TRIO: variants seen among roughly 807,000 people sequenced by gnomAD.
The protein encoded by TRIO is trio Rho guanine nucleotide exchange factor.
In TRIO, 58 loss-of-function variants were observed where a neutral mutation model predicts 351.9. The observed-to-expected ratio is 0.16, with a 90% CI of 0.13 to 0.21. The LOEUF is 0.21. TRIO is among the 10% of genes least tolerant of loss of function. TRIO has a pLI of 1.00. For synonymous variants in TRIO, 1,758 were observed against 1,595.7 expected (o/e 1.10, Z -2.42); for missense variants, 3,201 against 4,027.8 (o/e 0.79, Z 5.56).
intron 17 of TRIO, among the ~76,000 whole-genome samples, 181 bp from the exon 18 acceptor site, chr5:14,369,193 G>T (rs1449687786): frequency 6.6e-6 from 1 of 152,208 alleles, no homozygotes. Flanking sequence ...GCTCTGAAAA[G>T]TCTGCCTGCT....
In TRIO at chr5:14,376,178, G is replaced by C. The variant is rs903193816; in HGVS notation, c.3332-1834G>C. On this transcript the variant is annotated intron_variant, in intron 19 of 56. Coordinates refer to ENST00000344204, the MANE Select transcript of TRIO (RefSeq NM_007118.4). ...ACTTATCACAAAGTACAGACTGCTA[G>C]GAACTCAGTAAGTATTTGTGGAAAA... Among the ~76,000 whole-genome samples, 19 of 152,202 alleles carry C rather than the reference G, an allele frequency of 1.2e-4. 1 individual carries two copies. Among genetic ancestry groups the C allele is most frequent in the Admixed American group, 1.1e-3 (17 of 15,272 alleles).
intron 1 of TRIO, among the ~76,000 whole-genome samples, chr5:14,173,589 G>GT (rs113366809): frequency 0.032 from 4,822 of 152,084 alleles, 252 homozygotes; most frequent in African/African-American, 0.11. Flanking sequence ...TAAGCCCACT[G>GT]TTTTTTGTTT....
chr5:14,247,931 T>C (rs1173091513), intron 1 of TRIO, among the ~76,000 whole-genome samples: 1 of 152,198 alleles, frequency 6.6e-6, no homozygotes, highest in South Asian at 2.1e-4. Flanking sequence ...CTGGGCACAG[T>C]GGCTTGTGCC....
intron 11 of TRIO, among the ~76,000 whole-genome samples, chr5:14,346,859 A>G (rs1742465741): frequency 6.6e-6 from 1 of 152,246 alleles, no homozygotes; most frequent in South Asian, 2.1e-4. Flanking sequence ...AACTCTCCTC[A>G]TCCTCCCACA....
chr5:14,172,735 G>A (rs1789172972), intron 1 of TRIO, among the ~76,000 whole-genome samples: 1 of 152,254 alleles, frequency 6.6e-6, no homozygotes, highest in Admixed American at 6.5e-5. Context: ...TTGTAGAATG[G>A]GGATAAGCTG....
chr5:14,144,904 A>AGGCGGCGGC (rs553815914), intron 1 of TRIO, among the ~76,000 whole-genome samples: 6 of 149,104 alleles, frequency 4.0e-5, no homozygotes, highest in African/African-American at 7.5e-5. Context: ...GAGGAGGAGG[A>AGGCGGCGGC]GGCGGCGGCG....
intron 31 of TRIO, among the ~76,000 whole-genome samples, chr5:14,402,193 C>A (rs1057227168): frequency 2.6e-5 from 4 of 152,206 alleles, no homozygotes; most frequent in African/African-American, 9.7e-5. Context: ...ATACTCAAAA[C>A]CTGGAAACTT....
chr5:14,393,654 C>T (rs1206879375), intron 27 of TRIO, among the ~76,000 whole-genome samples: 1 of 152,166 alleles, frequency 6.6e-6, no homozygotes, highest in East Asian at 1.9e-4. Context: ...GTAGCACAGA[C>T]AGGGCCTGTC....
At chr5:14,264,958 C>A (rs1279465180) in intron 1 of TRIO, among the ~76,000 whole-genome samples, 1 of 152,184 alleles carries the variant, frequency 6.6e-6, no homozygotes, top group African/African-American at 2.4e-5. Flanking sequence ...CCACTAAGAC[C>A]CAGTACTTAT....
intron 1 of TRIO, among the ~76,000 whole-genome samples, chr5:14,179,395 T>A (rs868784718): frequency 1.9e-4 from 29 of 152,236 alleles, no homozygotes; most frequent in Non-Finnish European, 5.9e-5. Context: ...TCTTTTCACT[T>A]GTTCTGCCCT....
rs768302796 is a variant in TRIO, at chr5:14,483,850, TCCCATCCCCTGAACTGTGCG to T, written c.6657+1089_6657+1108del. Among the ~76,000 whole-genome samples, 49 of 152,238 alleles carry T rather than the reference TCCCATCCCCTGAACTGTGCG, an allele frequency of 3.2e-4. 1 individual carries two copies. The highest frequency in any genetic ancestry group is 1.3e-3 in the Admixed American group (20 of 15,294). ...CTGGGCTCACCACTACACTTGAGCC[TCCCATCCCCTGAACTGTGCG>T]CCCATCCCCTGGACGGCAGCCATCA... On this transcript the variant is annotated intron_variant, in intron 46 of 56. Transcript: ENST00000344204.
rs71599626 is a variant in TRIO, at chr5:14,493,098, G to GTTGT, written c.7880+307_7880+310dup. On this transcript the variant is annotated intron_variant, in intron 49 of 56. Coordinates refer to ENST00000344204, the MANE Select transcript of TRIO (RefSeq NM_007118.4). Reference sequence around the variant, plus strand: ...TGTGTTAGTCATAACTCAAGAAAGTGTTGTTTGTTTGTTTGTTTGTTTGTT... The same window carrying GTTGT: ...TGTGTTAGTCATAACTCAAGAAAGTGTTGTTTGTTTGTTTGTTTGTTTGTTTGTT... Among the ~76,000 whole-genome samples the GTTGT allele has an allele frequency of 1.6e-3, 243 of 152,278 alleles. 1 individual carries two copies. Among genetic ancestry groups the GTTGT allele is most frequent in the East Asian group, 7.1e-3 (37 of 5,192 alleles).
chr5:14,147,710 C>T (rs1385330691), intron 1 of TRIO, among the ~76,000 whole-genome samples: 2 of 152,144 alleles, frequency 1.3e-5, no homozygotes, highest in South Asian at 2.1e-4. Context: ...TTTGATATGA[C>T]GGTTTCCTTG....
intron 34 of TRIO, among the ~76,000 whole-genome samples, chr5:14,447,463 T>C (rs1421805167): frequency 2.0e-5 from 3 of 152,214 alleles, no homozygotes; most frequent in East Asian, 3.8e-4. Context: ...AATAAATGTA[T>C]ACATGAATGA....
At chr5:14,432,371 G>A (rs1413621818) in intron 34 of TRIO, among the ~76,000 whole-genome samples, 2 of 152,218 alleles carry the variant, frequency 1.3e-5, no homozygotes, top group African/African-American at 4.8e-5. Flanking sequence ...GGAGGAAGCT[G>A]AAGCCCGTAG....
intron 1 of TRIO, among the ~76,000 whole-genome samples, chr5:14,165,827 G>C (rs1788731031): frequency 6.6e-6 from 1 of 152,204 alleles, no homozygotes; most frequent in Non-Finnish European, 1.5e-5. Flanking sequence ...AGCCTTGTGG[G>C]TCTGGGTTTC....
At chr5:14,420,236 C>T in intron 34 of TRIO, 1 of 670,472 alleles carries the variant, frequency 1.5e-6, no homozygotes. Flanking sequence ...GAGTGATCTC[C>T]TCACTTCCAG....
intron 1 of TRIO, among the ~76,000 whole-genome samples, chr5:14,197,466 TTATTTTTAA>T (rs1790852888): frequency 6.6e-6 from 1 of 152,248 alleles, no homozygotes; most frequent in African/African-American, 2.4e-5. Context: ...TGTCTTCTTC[TTATTTTTAA>T]ATACTCTGAT....
chr5:14,205,518 C>G (rs1002421651), intron 1 of TRIO, among the ~76,000 whole-genome samples: 1 of 151,982 alleles, frequency 6.6e-6, no homozygotes, highest in Non-Finnish European at 1.5e-5. Context: ...GATAAAAACC[C>G]CTGGAAAAAA....
Sources: gnomAD v4.1 joint callset for allele counts (sites outside exome capture counted in the v4.1 genomes callset) on GRCh38, gnomAD v4.1.1 for gene constraint, MANE v1.5 for transcripts, NCBI Gene and HGNC (gene_info 2026-07-23, HGNC 2026-07-21) for gene names.